The following WDR72 variants were observed in gnomAD, a reference collection of about 807,000 sequenced individuals.
WDR72 encodes the protein WD repeat-containing protein 72.
WDR72 carries 120 observed loss-of-function variants against 124.2 expected under a neutral mutation model. The observed-to-expected ratio is 0.97, with a 90% CI of 0.83 to 1.12. WDR72 has a LOEUF of 1.12. Ranked by LOEUF, WDR72 falls within the 50% of genes most tolerant of loss-of-function variation. The pLI, the probability that WDR72 is intolerant of heterozygous loss-of-function variation, is 0.00. For missense variants in WDR72, 1,387 were observed against 1,278.8 expected, an observed-to-expected ratio of 1.08 and a Z score of -1.29; for synonymous variants, 452 against 441.7, an observed-to-expected ratio of 1.02 and a Z score of -0.29.
At chr15:53,745,861 C>T (rs193034677) in intron 1 of WDR72, among the ~76,000 whole-genome samples, 2 of 152,094 alleles carry the variant, frequency 1.3e-5, no homozygotes, top group Admixed American at 6.6e-5. Context: ...AATGAGTGGC[C>T]GAGACAGAAA....
chr15:53,640,077 C>G (rs1263879377), intron 14 of WDR72, among the ~76,000 whole-genome samples: 1 of 152,118 alleles, frequency 6.6e-6, no homozygotes, highest in Non-Finnish European at 1.5e-5. Context: ...AAAACTAGCA[C>G]ACTTTTAAAA....
At chr15:53,735,104 A>G (rs1256018904) in intron 1 of WDR72, among the ~76,000 whole-genome samples, 1 of 151,856 alleles carries the variant, frequency 6.6e-6, no homozygotes, top group African/African-American at 2.4e-5. Flanking sequence ...GACCAGCCTG[A>G]CCAACATGGT....
chr15:53,629,193 AGAGAGAGAGAGAGAGAGAGT>A (rs1473175795), intron 14 of WDR72, among the ~76,000 whole-genome samples: 1 of 145,008 alleles, frequency 6.9e-6, no homozygotes, highest in African/African-American at 2.7e-5. Context: ...AGAGACAGCG[AGAGAGAGAGAGAGAGAGAGT>A]GAGAGAGAGA....
At chr15:53,624,766 TA>T (rs2014139310) in intron 14 of WDR72, among the ~76,000 whole-genome samples, 1 of 152,244 alleles carries the variant, frequency 6.6e-6, no homozygotes, top group Admixed American at 6.5e-5. Flanking sequence ...TTAAAATTAT[TA>T]AACATAATTC....
At chr15:53,701,559 T>TCTCTCTCACACACA (rs369568228) in intron 12 of WDR72, among the ~76,000 whole-genome samples, 30 of 120,166 alleles carry the variant, frequency 2.5e-4, no homozygotes, top group African/African-American at 8.1e-4. Context: ...TCTCTCTCTC[T>TCTCTCTCACACACA]CACACACACA....
chr15:53,599,191 T>C (rs376137578), intron 17 of WDR72, among the ~76,000 whole-genome samples: 1 of 152,162 alleles, frequency 6.6e-6, no homozygotes, highest in Admixed American at 6.6e-5. Flanking sequence ...TACTGCTATA[T>C]ATATATCACA....
chr15:53,614,892 G>T (rs1189932983), intron 15 of WDR72, among the ~76,000 whole-genome samples: 1 of 151,900 alleles, frequency 6.6e-6, no homozygotes, highest in African/African-American at 2.4e-5. Context: ...ATGTATAAAT[G>T]AATCACTAAA....
chr15:53,704,589 T>G (rs1011390409), intron 11 of WDR72, among the ~76,000 whole-genome samples: 1 of 151,356 alleles, frequency 6.6e-6, no homozygotes, highest in African/African-American at 2.4e-5. Context: ...TGCAGTGGCG[T>G]GATCTCAGCT....
Position 53,715,211 on chromosome 15 carries a change from G to C in WDR72, c.496C>G (p.His166Asp). The C allele has an allele frequency of 6.2e-7, 1 of 1,614,078 alleles. No homozygotes were observed. The highest frequency in any genetic ancestry group is 1.1e-5 in the South Asian group (1 of 91,068). The part of the protein sequence containing the change: ...PDWINCMCIV[H>D]SMRIQEDSLL... ...CTATTACCTTGAATTCTCATGGAGT[G>C]AACAATGCACATGCAGTTGATCCAG... Residue 166 changes from histidine (H) to aspartate (D), a missense_variant, in exon 5 of 20, where the codon CAC becomes GAC. Physicochemically the swap from His to Asp is moderately conservative, Grantham distance 81. Transcript: ENST00000360509.
rs538045570 is a variant in WDR72, at chr15:53,687,368, G to A, written c.1765+12382C>T. On this transcript the variant is annotated intron_variant, in intron 13 of 19. Transcript: ENST00000360509. ...GAATCAAATAGACGCAATAAAAAATGATAAAGGGGATATCACCACCAATCC... is the reference window on the plus strand; with the variant it reads ...GAATCAAATAGACGCAATAAAAAATAATAAAGGGGATATCACCACCAATCC... Among the ~76,000 whole-genome samples, 3 of 150,196 alleles carry A rather than the reference G, an allele frequency of 2.0e-5. No individual in the cohort carries two copies. The South Asian group carries it at 6.4e-4, about 32-fold the overall frequency.
intron 14 of WDR72, among the ~76,000 whole-genome samples, chr15:53,649,855 A>G (rs1472691039): frequency 6.6e-6 from 1 of 152,174 alleles, no homozygotes; most frequent in Non-Finnish European, 1.5e-5. Context: ...TAGAAATGCA[A>G]TGGTGTAGCT....
intron 18 of WDR72, among the ~76,000 whole-genome samples, chr15:53,545,480 A>G (rs1348481011): frequency 1.3e-5 from 2 of 151,064 alleles, no homozygotes; most frequent in Non-Finnish European, 3.0e-5. Context: ...CTGAAACTGG[A>G]TCCCTTCCTT....
At chr15:53,574,257 T>C (rs1292126087) in intron 18 of WDR72, among the ~76,000 whole-genome samples, 1 of 152,214 alleles carries the variant, frequency 6.6e-6, no homozygotes, top group Admixed American at 6.5e-5. Flanking sequence ...TGAAAACTGA[T>C]TGAAGAGATG....
At chr15:53,736,120 A>T (rs28441018) in intron 1 of WDR72, among the ~76,000 whole-genome samples, 2,175 of 152,306 alleles carry the variant, frequency 0.014, 42 homozygotes, top group African/African-American at 0.05. Flanking sequence ...GTTAAGAGAT[A>T]TAGATGCTAA....
chr15:53,617,198 G>A (rs775112471), intron 14 of WDR72, among the ~76,000 whole-genome samples: 15 of 151,544 alleles, frequency 9.9e-5, no homozygotes, highest in Non-Finnish European at 1.9e-4. Context: ...AAAATTTTAC[G>A]TACAAATATA....
At chr15:53,553,257 A>G (rs772659090) in intron 18 of WDR72, among the ~76,000 whole-genome samples, 2 of 152,154 alleles carry the variant, frequency 1.3e-5, no homozygotes, top group Non-Finnish European at 2.9e-5. Context: ...TCAGACAGCA[A>G]TTTTGAATAA....
rs144874160 is a variant in WDR72 at position 53,558,269 on chromosome 15, C to T, written c.3149-34947G>A. On this transcript the variant is annotated intron_variant, in intron 18 of 19. Transcript: ENST00000360509. Reference sequence around the variant, plus strand: ...AGTTGTCAACATTAAAAACATTATCCATGACATCTTTAATTCCGGTTTGCC... The same window carrying T: ...AGTTGTCAACATTAAAAACATTATCTATGACATCTTTAATTCCGGTTTGCC... 2.5e-3 allele frequency among the ~76,000 whole-genome samples: 381 copies of T among 152,100 alleles called. 3 individuals are homozygous for T. The highest frequency in any genetic ancestry group is 0.016 in the South Asian group (77 of 4,826).
chr15:53,760,955 C>T (rs1017051729), upstream of WDR72, among the ~76,000 whole-genome samples: 29 of 152,018 alleles, frequency 1.9e-4, no homozygotes, highest in Non-Finnish European at 4.0e-4. Context: ...GAAAACCTGT[C>T]TCTACTGAAA....
At chr15:53,580,142 T>G (rs1434370106) in intron 18 of WDR72, among the ~76,000 whole-genome samples, 1 of 152,090 alleles carries the variant, frequency 6.6e-6, no homozygotes. Flanking sequence ...TGCAGCTGAT[T>G]GACAGAATTA....
Sources: gnomAD v4.1 joint callset for allele counts (sites outside exome capture counted in the v4.1 genomes callset) on GRCh38, gnomAD v4.1.1 for gene constraint, MANE v1.5 for transcripts, NCBI Gene and HGNC (gene_info 2026-07-23, HGNC 2026-07-21) for gene names.